The following BFSP2 variants were observed in gnomAD, a reference collection of about 807,000 sequenced individuals.
BFSP2 encodes the protein beaded filament structural protein 2, also known as phakinin.
A neutral mutation model predicts 44.9 loss-of-function variants in BFSP2; 38 were observed. That is an observed-to-expected ratio of 0.85 (90% confidence interval 0.65 to 1.11). The LOEUF (loss-of-function observed/expected upper bound fraction) is 1.11, where lower values mean the gene tolerates loss of function less well. BFSP2 is among the 50% of genes least tolerant of loss of function. The pLI, the probability that BFSP2 is intolerant of heterozygous loss-of-function variation, is 0.00. For missense variants in BFSP2, 525 were observed against 533.0 expected, an observed-to-expected ratio of 0.99 and a Z score of 0.15; for synonymous variants, 197 against 209.9, an observed-to-expected ratio of 0.94 and a Z score of 0.53.
At chr3:133,426,816 C>A (rs2073658113) in intron 1 of BFSP2, among the ~76,000 whole-genome samples, 1 of 152,180 alleles carries the variant, frequency 6.6e-6, no homozygotes, top group Non-Finnish European at 1.5e-5. Flanking sequence ...GCCCTGACAC[C>A]CTACGTGATA....
At chr3:133,432,243 A>G (rs944898866) in intron 1 of BFSP2, among the ~76,000 whole-genome samples, 7 of 152,222 alleles carry the variant, frequency 4.6e-5, no homozygotes, top group African/African-American at 1.7e-4. Context: ...AGTCTTACAG[A>G]TTAGTTCAGG....
At chr3:133,428,371 A>C (rs1364280558) in intron 1 of BFSP2, among the ~76,000 whole-genome samples, 1 of 152,088 alleles carries the variant, frequency 6.6e-6, no homozygotes, top group Non-Finnish European at 1.5e-5. Flanking sequence ...TGTCAGACAG[A>C]GCCAGTAAGT....
intron 1 of BFSP2, among the ~76,000 whole-genome samples, chr3:133,415,689 CCCCTCTACTCA>C (rs1341523429): frequency 1.8e-5 from 2 of 113,292 alleles, no homozygotes; most frequent in African/African-American, 3.3e-5. Context: ...CCTCTACTCA[CCCCTCTACTCA>C]CCCCTGTCCT....
chr3:133,470,986 T>C (rs1234560961), intron 5 of BFSP2, among the ~76,000 whole-genome samples: 2 of 151,994 alleles, frequency 1.3e-5, no homozygotes, highest in African/African-American at 2.4e-5. Context: ...CTGGAAGGAA[T>C]GGAGGAGCAT....
intron 5 of BFSP2, 63 bp from the exon 6 acceptor site, chr3:133,472,281 CA>C: frequency 6.5e-7 from 1 of 1,528,648 alleles, no homozygotes; most frequent in South Asian, 1.2e-5. Flanking sequence ...CTGCTCTGCA[CA>C]CCTCCCTCTT....
At chr3:133,450,016 A>AGGAGGGAG (rs1553782768) in intron 3 of BFSP2, among the ~76,000 whole-genome samples, 8 of 93,278 alleles carry the variant, frequency 8.6e-5, no homozygotes, top group East Asian at 3.6e-4. Context: ...GAAGGAAGGA[A>AGGAGGGAG]GGAGGGAGGG....
intron 6 of BFSP2, 135 bp downstream of exon 6, chr3:133,472,700 CAG>C: frequency 9.8e-7 from 1 of 1,016,506 alleles, no homozygotes; most frequent in Non-Finnish European, 1.5e-6. Context: ...CCCATTCCCA[CAG>C]CCTAGCTGTG....
chr3:133,425,025 G>A (rs1470421950), intron 1 of BFSP2, among the ~76,000 whole-genome samples: 2 of 152,220 alleles, frequency 1.3e-5, no homozygotes, highest in African/African-American at 4.8e-5. Flanking sequence ...TCCTTAGCCT[G>A]TGGGTGTAAC....
intron 1 of BFSP2, among the ~76,000 whole-genome samples, chr3:133,407,833 A>T (rs1161419089): frequency 6.6e-6 from 1 of 152,170 alleles, no homozygotes; most frequent in Non-Finnish European, 1.5e-5. Flanking sequence ...GTCATAAGGA[A>T]AATAATAAAA....
At chr3:133,471,773 T>A (rs1441597780) in intron 5 of BFSP2, among the ~76,000 whole-genome samples, 1 of 151,860 alleles carries the variant, frequency 6.6e-6, no homozygotes, top group African/African-American at 2.4e-5. Context: ...TGGGCAAAAA[T>A]GTGCTACTAA....
At chr3:133,418,572 C>T (rs1352630389) in intron 1 of BFSP2, among the ~76,000 whole-genome samples, 1 of 152,114 alleles carries the variant, frequency 6.6e-6, no homozygotes, top group African/African-American at 2.4e-5. Context: ...TGGGTAGGCC[C>T]CTGAATTCCT....
chr3:133,436,921 C>A (rs998627888), intron 1 of BFSP2, among the ~76,000 whole-genome samples: 1 of 148,582 alleles, frequency 6.7e-6, no homozygotes, highest in Non-Finnish European at 1.5e-5. Flanking sequence ...CATGTCCCTA[C>A]AAAGGACATG....
chr3:133,448,826 C>A, intron 3 of BFSP2, 181 bp downstream of exon 3: 1 of 746,150 alleles, frequency 1.3e-6, no homozygotes, highest in Non-Finnish European at 2.2e-6. Flanking sequence ...GTTACCCCAG[C>A]AGTCTCAAAC....
chr3:133,424,240 T>TGGG (rs1559963476), intron 1 of BFSP2, among the ~76,000 whole-genome samples: 1 of 146,192 alleles, frequency 6.8e-6, no homozygotes, highest in Non-Finnish European at 1.5e-5. Flanking sequence ...TTTTTTTTTT[T>TGGG]TGTATTTTTA....
intron 1 of BFSP2, among the ~76,000 whole-genome samples, chr3:133,441,654 C>T (rs2073846329): frequency 6.6e-6 from 1 of 152,104 alleles, no homozygotes; most frequent in Non-Finnish European, 1.5e-5. Context: ...AGCACTACTG[C>T]TGGGCTCATT....
intron 1 of BFSP2, among the ~76,000 whole-genome samples, chr3:133,430,345 C>T (rs9863238): frequency 0.83 from 124,493 of 149,110 alleles, 52,192 homozygotes; most frequent in Middle Eastern, 0.94. Context: ...ACTTCCACAA[C>T]GGTTGAACTA....
intron 4 of BFSP2, among the ~76,000 whole-genome samples, chr3:133,459,018 T>C (rs2074038305): frequency 6.6e-6 from 1 of 152,286 alleles, no homozygotes; most frequent in African/African-American, 2.4e-5. Flanking sequence ...ATACCTTAGA[T>C]ATTTTTTAAC....
At chr3:133,465,737 CT>C (rs1461506472) in intron 4 of BFSP2, among the ~76,000 whole-genome samples, 1 of 152,214 alleles carries the variant, frequency 6.6e-6, no homozygotes, top group African/African-American at 2.4e-5. Flanking sequence ...ACAACTGGCA[CT>C]GTCTTACAAT....
chr3:133,446,360 G>T (rs2073896805), intron 1 of BFSP2, among the ~76,000 whole-genome samples: 1 of 151,702 alleles, frequency 6.6e-6, no homozygotes, highest in South Asian at 2.1e-4. Context: ...GGCAGAGGTT[G>T]CAGTGAGCAG....
Sources: gnomAD v4.1 joint callset for allele counts (sites outside exome capture counted in the v4.1 genomes callset) on GRCh38, gnomAD v4.1.1 for gene constraint, MANE v1.5 for transcripts, NCBI Gene and HGNC (gene_info 2026-07-23, HGNC 2026-07-21) for gene names.